NFATC3: variants seen among roughly 807,000 people sequenced by gnomAD.
The protein encoded by NFATC3 is nuclear factor of activated T cells 3.
A neutral mutation model predicts 98.6 loss-of-function variants in NFATC3; 46 were observed. The ratio of observed to expected loss-of-function variants is 0.47; its 90% CI spans 0.37 to 0.60. The LOEUF is 0.60. NFATC3 is among the 20% of genes least tolerant of loss of function. NFATC3 has a pLI of 0.00. For missense variants in NFATC3, 1,256 were observed against 1,295.5 expected (o/e 0.97, Z 0.47); for synonymous variants, 512 against 472.2 (o/e 1.08, Z -1.09).
intron 1 of NFATC3, among the ~76,000 whole-genome samples, chr16:68,101,847 A>C (rs763120477): frequency 2.0e-5 from 3 of 151,850 alleles, no homozygotes; most frequent in Non-Finnish European, 4.4e-5. Flanking sequence ...TGTCAATTTT[A>C]TTTTCTTGGA....
intron 4 of NFATC3, among the ~76,000 whole-genome samples, chr16:68,164,051 G>A (rs1182548113): frequency 2.0e-5 from 3 of 152,102 alleles, no homozygotes; most frequent in Non-Finnish European, 2.9e-5. Context: ...CAAGGCAGGC[G>A]GCTGGGAGGT....
chr16:68,226,067 TAGAGTA>T (rs552008182), intron 9 of NFATC3: 29 of 252,166 alleles, frequency 1.2e-4, no homozygotes, highest in Non-Finnish European at 2.1e-4. Context: ...AAAGAAAAGT[TAGAGTA>T]AGGTGAATAC....
intron 1 of NFATC3, among the ~76,000 whole-genome samples, chr16:68,100,693 C>CT (rs139223133): frequency 1.8e-4 from 26 of 148,404 alleles, no homozygotes; most frequent in African/African-American, 5.2e-4. Context: ...GTATTAACAC[C>CT]TTTTTTTTTT....
intron 1 of NFATC3, among the ~76,000 whole-genome samples, chr16:68,105,434 A>G (rs1342043055): frequency 6.6e-6 from 1 of 152,084 alleles, no homozygotes; most frequent in Non-Finnish European, 1.5e-5. Context: ...ATATTATATC[A>G]GTTGATTTTC....
chr16:68,155,996 T>TA (rs1339508606), intron 3 of NFATC3, among the ~76,000 whole-genome samples: 1 of 152,144 alleles, frequency 6.6e-6, no homozygotes, highest in Non-Finnish European at 1.5e-5. Flanking sequence ...GGACTTTCAT[T>TA]AGGGCAGAGA....
At chr16:68,124,507 A>G (rs973769558) in intron 2 of NFATC3, among the ~76,000 whole-genome samples, 2 of 148,812 alleles carry the variant, frequency 1.3e-5, no homozygotes, top group Non-Finnish European at 3.0e-5. Flanking sequence ...ATCTCGGCTT[A>G]CTGCAAGCTC....
intron 9 of NFATC3, chr16:68,217,732 C>T: frequency 8.1e-7 from 1 of 1,231,546 alleles, no homozygotes; most frequent in Non-Finnish European, 1.0e-6. Context: ...GCAGAGAAAC[C>T]ACTTAGTCAT....
Position 68,190,985 on chromosome 16 carries a change from G to A in NFATC3, c.2316G>A (p.Glu772=), listed in dbSNP as rs1161243618. The A allele has an allele frequency of 1.2e-6, 2 of 1,614,206 alleles. No individual in the cohort carries two copies. The highest frequency in any genetic ancestry group is 1.7e-6 in the Non-Finnish European group (2 of 1,180,044). Residue 772 remains glutamate (E), a synonymous_variant, in exon 9 of 10, where the codon GAG becomes GAA. Coordinates refer to ENST00000346183, the MANE Select transcript of NFATC3 (RefSeq NM_173165.3). ...SHLPQLQCRD[E]SVSKEQHMIP... ...TGCCACAGTTGCAGTGTAGAGATGA[G>A]AGTGTTAGTAAAGAACAGCATATGA... is the stretch of plus-strand genomic sequence containing the variant.
At chr16:68,114,627 T>G (rs1411167445) in intron 1 of NFATC3, among the ~76,000 whole-genome samples, 1 of 147,944 alleles carries the variant, frequency 6.8e-6, no homozygotes, top group African/African-American at 2.5e-5. Context: ...CAGGCTGGAG[T>G]GCTGTGGTGC....
At chr16:68,193,519 A>AT (rs965800603) in intron 9 of NFATC3, among the ~76,000 whole-genome samples, 10 of 152,016 alleles carry the variant, frequency 6.6e-5, no homozygotes, top group Admixed American at 4.6e-4. Context: ...CCCTACAAAA[A>AT]TTAGCTGGGT....
intron 3 of NFATC3, among the ~76,000 whole-genome samples, chr16:68,148,114 C>G (rs899669991): frequency 3.3e-5 from 5 of 152,104 alleles, no homozygotes; most frequent in African/African-American, 1.2e-4. Flanking sequence ...CTCCTGGGTT[C>G]AAGCGATTCT....
At chr16:68,089,550 GT>G (rs143418303) in intron 1 of NFATC3, 1 of 152,386 alleles carries the variant, frequency 6.6e-6, no homozygotes, top group African/African-American at 2.4e-5. Flanking sequence ...AGCCTACCTT[GT>G]TTTTTTAAAT....
rs371550761 is a variant in NFATC3 at position 68,169,553 on chromosome 16, G to T, written c.1774+2538G>T. 5.9e-5 allele frequency among the ~76,000 whole-genome samples: 9 copies of T among 152,236 alleles called. No individual in the cohort carries two copies. The East Asian group carries it at 7.7e-4, about 13-fold the overall frequency. The stretch of plus-strand genomic sequence containing the variant: ...CAGGCTTGAGCCACCATGCTCGGCT[G>T]GCAAAGTAATTTAAATAATTTAAGT... On this transcript the variant is annotated intron_variant, in intron 5 of 9. Transcript: ENST00000346183.
chr16:68,110,648 G>T (rs1305205581), intron 1 of NFATC3, among the ~76,000 whole-genome samples: 1 of 151,526 alleles, frequency 6.6e-6, no homozygotes, highest in Non-Finnish European at 1.5e-5. Flanking sequence ...TTGTGTCTCT[G>T]TCTCCTTCAG....
At chr16:68,147,741 A>AT (rs2038106979) in intron 3 of NFATC3, among the ~76,000 whole-genome samples, 1 of 145,774 alleles carries the variant, frequency 6.9e-6, no homozygotes, top group South Asian at 2.3e-4. Flanking sequence ...TTAGCTTCAG[A>AT]TTATCTGTGA....
chr16:68,154,318 G>A (rs1337660040), intron 3 of NFATC3, among the ~76,000 whole-genome samples: 1 of 152,056 alleles, frequency 6.6e-6, no homozygotes, highest in African/African-American at 2.4e-5. Flanking sequence ...AGTTAGTTAC[G>A]AAAATCTCTT....
chr16:68,097,100 C>G (rs2035059338), intron 1 of NFATC3, among the ~76,000 whole-genome samples: 1 of 151,990 alleles, frequency 6.6e-6, no homozygotes, highest in Non-Finnish European at 1.5e-5. Context: ...GACCTGGTAT[C>G]CATTGAGTAA....
intron 1 of NFATC3, among the ~76,000 whole-genome samples, chr16:68,097,095 G>T (rs1156799408): frequency 1.3e-5 from 2 of 152,088 alleles, no homozygotes; most frequent in African/African-American, 2.4e-5. Flanking sequence ...AATAGGACCT[G>T]GTATCCATTG....
At position 68,192,101 on chromosome 16, in the gene NFATC3, G is replaced by T. The variant is rs549946479; in HGVS notation, c.3106+326G>T. On this transcript the variant is annotated intron_variant, in intron 9 of 9. Coordinates refer to ENST00000346183, the MANE Select transcript of NFATC3 (RefSeq NM_173165.3). Reference sequence around the variant, plus strand: ...TGTGTGACTATAATCCCAGCTACTCGGGAGGCTGAGACAGGAGAATCACTT... The same window carrying T: ...TGTGTGACTATAATCCCAGCTACTCTGGAGGCTGAGACAGGAGAATCACTT... 8.1e-4 allele frequency: 153 copies of T among 190,020 alleles called. 1 individual carries two copies. Among genetic ancestry groups the T allele is most frequent in the African/African-American group, 3.4e-3 (143 of 41,540 alleles). The allele number at this position is 190,020 out of a possible 1,614,324, so 11.8% of individuals were successfully genotyped here.
Sources: allele counts gnomAD v4.1 joint callset (sites outside exome capture counted in the v4.1 genomes callset), GRCh38; gene constraint gnomAD v4.1.1; transcripts MANE v1.5; gene names NCBI Gene and HGNC (gene_info 2026-07-23, HGNC 2026-07-21).